KDM4C: variants seen among roughly 807,000 people sequenced by gnomAD.
KDM4C encodes the protein lysine demethylase 4C.
Under a neutral mutation model 129.3 loss-of-function variants are expected in KDM4C, and 81 were observed. That is an observed-to-expected ratio of 0.63 (90% CI 0.52 to 0.75). KDM4C has a LOEUF of 0.75. KDM4C is among the 30% of genes least tolerant of loss of function. The pLI is 0.00. For missense variants in KDM4C, 1,457 were observed against 1,304.0 expected (o/e 1.12, Z -1.81); for synonymous variants, 573 against 456.1 (o/e 1.26, Z -3.26).
intron 10 of KDM4C, among the ~76,000 whole-genome samples, chr9:6,986,042 C>CTT (rs1817636357): frequency 6.6e-6 from 1 of 152,156 alleles, no homozygotes; most frequent in South Asian, 2.1e-4. Flanking sequence ...TTATGAATTG[C>CTT]TGGATGGTTT....
chr9:6,989,619 G>T (rs2153503), intron 11 of KDM4C, among the ~76,000 whole-genome samples: 1 of 152,004 alleles, frequency 6.6e-6, no homozygotes, highest in Non-Finnish European at 1.5e-5. Context: ...ATGTGATCTA[G>T]AAGTGGTGAT....
chr9:6,843,897 C>G (rs752694022), intron 4 of KDM4C, among the ~76,000 whole-genome samples: 1 of 152,176 alleles, frequency 6.6e-6, no homozygotes, highest in East Asian at 1.9e-4. Context: ...GTTGCCTAGG[C>G]TGGAGTGCAG....
chr9:6,939,175 G>A (rs544830101), intron 8 of KDM4C, among the ~76,000 whole-genome samples: 1 of 152,012 alleles, frequency 6.6e-6, no homozygotes, highest in South Asian at 2.1e-4. Context: ...AGGTACAGCT[G>A]CTCCCCATCG....
At chr9:6,989,287 A>T (rs10815501) in intron 11 of KDM4C, among the ~76,000 whole-genome samples, 24,814 of 152,152 alleles carry the variant, frequency 0.16, 2,511 homozygotes, top group African/African-American at 0.29. Context: ...CTGCTTCTTC[A>T]GCTTACCGGG....
At chr9:7,055,346 G>A (rs1830729447) in intron 17 of KDM4C, among the ~76,000 whole-genome samples, 1 of 152,178 alleles carries the variant, frequency 6.6e-6, no homozygotes, top group African/African-American at 2.4e-5. Context: ...ATGAATTTTG[G>A]AATAGCAGGA....
chr9:6,761,124 C>T (rs989825187), intron 1 of KDM4C, among the ~76,000 whole-genome samples: 30 of 151,814 alleles, frequency 2.0e-4, no homozygotes, highest in Non-Finnish European at 4.3e-4. Flanking sequence ...ATTCTCCTGC[C>T]TCAGCCAACC....
intron 12 of KDM4C, among the ~76,000 whole-genome samples, chr9:7,007,315 TTAGTC>T (rs1177566484): frequency 1.4e-5 from 2 of 140,880 alleles, no homozygotes; most frequent in Non-Finnish European, 3.3e-5. Flanking sequence ...TGTAAAAATC[TTAGTC>T]TAGGAGTACG....
intron 1 of KDM4C, among the ~76,000 whole-genome samples, chr9:6,775,375 C>T (rs1404996391): frequency 2.0e-5 from 3 of 151,986 alleles, no homozygotes; most frequent in African/African-American, 7.3e-5. Context: ...TGTGTAGTTC[C>T]ATCGGGTGAA....
intron 1 of KDM4C, among the ~76,000 whole-genome samples, chr9:6,721,558 A>G (rs1588023543): frequency 4.7e-5 from 7 of 149,140 alleles, no homozygotes; most frequent in Admixed American, 4.7e-4. Context: ...TGCTGGGATT[A>G]CAGGCATGAG....
chr9:6,954,904 G>A lies in KDM4C; in HGVS notation c.922-26021G>A, dbSNP rs866009196. Among the ~76,000 whole-genome samples, 3 of 152,186 alleles carry A rather than the reference G, an allele frequency of 2.0e-5. No homozygotes were observed. The South Asian group carries it at 6.2e-4, about 32-fold the overall frequency. ...ACCAGGAACAGAATATTGCAAATTG[G>A]GAATTAAAGGCCAGAATCCGATACT... On this transcript the variant is annotated intron_variant, in intron 8 of 21. Coordinates refer to ENST00000381309, the MANE Select transcript of KDM4C (RefSeq NM_015061.6).
chr9:7,086,850 A>T (rs1388234408), intron 17 of KDM4C, among the ~76,000 whole-genome samples: 1 of 152,172 alleles, frequency 6.6e-6, no homozygotes, highest in African/African-American at 2.4e-5. Flanking sequence ...TCTGCCTGAG[A>T]GCCAGCCTGC....
At chr9:7,073,748 C>T (rs1355955873) in intron 17 of KDM4C, among the ~76,000 whole-genome samples, 1 of 152,170 alleles carries the variant, frequency 6.6e-6, no homozygotes, top group Non-Finnish European at 1.5e-5. Flanking sequence ...TTGAACATAT[C>T]CTCACATGGT....
rs535325804 is a variant in KDM4C, at chr9:6,827,219, G to C, written c.435+12474G>C. ...TGCCATTCCTAGCTGTGACTTTCAG[G>C]AAAGCTCTGTGTTTTTCTCAGAGTC... On this transcript the variant is annotated intron_variant, in intron 4 of 21. Transcript: ENST00000381309. 2.0e-5 allele frequency among the ~76,000 whole-genome samples: 3 copies of C among 152,324 alleles called. No homozygotes were observed. The East Asian group carries it at 5.8e-4, about 29-fold the overall frequency.
chr9:6,831,443 A>G (rs1441132787), intron 4 of KDM4C, among the ~76,000 whole-genome samples: 1 of 152,064 alleles, frequency 6.6e-6, no homozygotes, highest in Non-Finnish European at 1.5e-5. Flanking sequence ...CCCTGGATCA[A>G]GTAATTCTCC....
At chr9:6,905,475 C>T (rs946221884) in intron 8 of KDM4C, among the ~76,000 whole-genome samples, 1 of 152,130 alleles carries the variant, frequency 6.6e-6, no homozygotes, top group African/African-American at 2.4e-5. Context: ...ACATGGTTTC[C>T]TCCTTTAGTC....
At chr9:6,759,022 G>C (rs1243429048) in intron 1 of KDM4C, among the ~76,000 whole-genome samples, 3 of 114,472 alleles carry the variant, frequency 2.6e-5, no homozygotes, top group African/African-American at 4.4e-5. Flanking sequence ...GCAAGCCTGC[G>C]CTGGCTGGCT....
intron 8 of KDM4C, among the ~76,000 whole-genome samples, chr9:6,946,987 G>C (rs1391883434): frequency 6.6e-6 from 1 of 151,990 alleles, no homozygotes; most frequent in East Asian, 1.9e-4. Context: ...GATCCCAACT[G>C]GTCTAAGTCA....
At chr9:6,845,733 C>T (rs1262344298) in intron 4 of KDM4C, among the ~76,000 whole-genome samples, 2 of 152,154 alleles carry the variant, frequency 1.3e-5, no homozygotes, top group East Asian at 3.8e-4. Flanking sequence ...GGGGCCGGGG[C>T]ACGTAGACTC....
At chr9:6,787,131 C>T (rs1044259223) in intron 1 of KDM4C, among the ~76,000 whole-genome samples, 1 of 152,144 alleles carries the variant, frequency 6.6e-6, no homozygotes, top group Non-Finnish European at 1.5e-5. Context: ...TTTCCTAGAC[C>T]AGTTAGCAAA....
Sources: gnomAD v4.1 joint callset for allele counts (sites outside exome capture counted in the v4.1 genomes callset) on GRCh38, gnomAD v4.1.1 for gene constraint, MANE v1.5 for transcripts, NCBI Gene and HGNC (gene_info 2026-07-23, HGNC 2026-07-21) for gene names.